Variants in TNKS2 observed in about 807,000 individuals in gnomAD.
TNKS2 encodes poly [ADP-ribose] polymerase tankyrase-2.
TNKS2 carries 72 observed loss-of-function variants against 137.6 expected under a neutral mutation model. That is an observed-to-expected ratio of 0.52 (90% confidence interval 0.43 to 0.64). The LOEUF is 0.64. Ranked by LOEUF, TNKS2 falls within the 30% of genes least tolerant of loss-of-function variation. TNKS2 has a pLI of 0.00. For synonymous variants in TNKS2, 516 were observed against 512.1 expected (o/e 1.01, Z -0.10); for missense variants, 1,049 against 1,410.2 (o/e 0.74, Z 4.10).
intron 2 of TNKS2, among the ~76,000 whole-genome samples, chr10:91,813,579 T>C (rs1224788611): frequency 6.6e-6 from 1 of 152,186 alleles, no homozygotes; most frequent in African/African-American, 2.4e-5. Context: ...GGAAAGTCTT[T>C]CCAGTGGGGA....
chr10:91,856,565 G>C (rs1218798715), intron 23 of TNKS2, among the ~76,000 whole-genome samples: 7 of 152,220 alleles, frequency 4.6e-5, no homozygotes. Flanking sequence ...GAGCAGGAGA[G>C]AGGTTGTGTG....
At chr10:91,812,555 G>A (rs1257508505) in intron 1 of TNKS2, among the ~76,000 whole-genome samples, 3 of 152,188 alleles carry the variant, frequency 2.0e-5, no homozygotes, top group African/African-American at 7.2e-5. Flanking sequence ...TGAGATAGAT[G>A]TGGGAAAGGA....
chr10:91,815,937 C>G (rs1280163853), intron 2 of TNKS2, among the ~76,000 whole-genome samples: 1 of 142,704 alleles, frequency 7.0e-6, no homozygotes, highest in East Asian at 2.1e-4. Context: ...GAGCAAAACA[C>G]AAGACTTTCT....
rs75510467 is a variant in TNKS2, at chr10:91,836,158, A to T, written c.1448-761A>T. The stretch of plus-strand genomic sequence containing the variant: ...TATTCTCTTAAAAGATGCATGTTAC[A>T]GTTTGGTTTTTTCCCATTTTGTTCT... On this transcript the variant is annotated intron_variant, in intron 12 of 26. Transcript: ENST00000371627. Among the ~76,000 whole-genome samples, 1,354 of 149,050 alleles carry T rather than the reference A, an allele frequency of 9.1e-3. 6 individuals are homozygous for T. Among genetic ancestry groups the T allele is most frequent in the Middle Eastern group, 0.025 (7 of 282 alleles).
chr10:91,845,842 C>G lies in TNKS2; in HGVS notation c.2260C>G (p.Gln754Glu). 6.2e-7 allele frequency: 1 copy of G among 1,610,686 alleles called. No homozygotes were observed. Among genetic ancestry groups the G allele is most frequent in the Non-Finnish European group, 8.5e-7 (1 of 1,177,462 alleles). ...WAFTPLHEAA[Q>E]KGRTQLCALL... ...TTTCACACCTTTGCACGAAGCAGCC[C>G]AAAAGGGACGAACACAGCTTTGTGC... Residue 754 changes from glutamine to glutamate, a missense_variant, in exon 18 of 27, where the codon CAA becomes GAA. Gln to Glu is a conservative substitution (Grantham distance 29, BLOSUM62 2). Transcript: ENST00000371627.
chr10:91,820,290 T>C (rs753015726), intron 6 of TNKS2, among the ~76,000 whole-genome samples: 1 of 152,148 alleles, frequency 6.6e-6, no homozygotes, highest in African/African-American at 2.4e-5. Flanking sequence ...TGTTGAGTCA[T>C]AGAGAGGGAT....
In TNKS2 at chr10:91,863,709, G is replaced by A. The variant is rs1842910303; in HGVS notation, c.*710G>A. On this transcript the variant is annotated 3_prime_UTR_variant, in exon 27 of 27. Transcript: ENST00000371627. ...ATTTGTGATACCTTTGTATGTATGA[G>A]ACACATTCCAAAGAGCTCTAACTAT... The A allele has an allele frequency of 6.6e-6, 1 of 152,160 alleles. No homozygotes were observed. 9.4% of individuals were successfully genotyped at this position (152,160 alleles called of 1,614,324 possible). A position where few individuals can be genotyped will look rare whatever the true frequency, so the allele number is the denominator to read the frequency against.
chr10:91,811,203 C>T lies in TNKS2; in HGVS notation c.200-1780C>T, dbSNP rs557369743. Among the ~76,000 whole-genome samples, 79 of 152,148 alleles carry T rather than the reference C, an allele frequency of 5.2e-4. 1 individual carries two copies. Among genetic ancestry groups the T allele is most frequent in the Admixed American group, 2.7e-3 (42 of 15,284 alleles). The stretch of plus-strand genomic sequence containing the variant: ...CCTCCCAAAGTGCTGGGATTACTGG[C>T]GTGAGCCACTGCGCCCAGCCCAAGC... On this transcript the variant is annotated intron_variant, in intron 1 of 26. Transcript: ENST00000371627.
Position 91,848,646 on chromosome 10 carries a change from C to T in TNKS2, c.2611+11C>T, listed in dbSNP as rs901643324. 6.2e-7 allele frequency: 1 copy of T among 1,612,624 alleles called. No individual in the cohort carries two copies. Among genetic ancestry groups the T allele is most frequent in the Non-Finnish European group, 8.5e-7 (1 of 1,179,206 alleles). On this transcript the variant is annotated intron_variant, in intron 19 of 26. Transcript: ENST00000371627. ...TGGAGAAAAAGGAGGGTGAGACGTT[C>T]TACAAAAATAACTTTCTAACTGGTA...
intron 15 of TNKS2, 31 bp from the exon 16 acceptor site, chr10:91,842,141 C>T (rs1447389057): frequency 6.6e-7 from 1 of 1,516,978 alleles, no homozygotes. Context: ...TAAGCCATTT[C>T]CCCCTTTTTT....
intron 1 of TNKS2, among the ~76,000 whole-genome samples, chr10:91,799,936 T>G (rs773392925): frequency 5.6e-4 from 86 of 152,370 alleles, no homozygotes; most frequent in Middle Eastern, 3.4e-3. Context: ...GGGGCTAGAT[T>G]GATGAAGAGA....
intron 1 of TNKS2, among the ~76,000 whole-genome samples, chr10:91,806,124 A>G (rs1844320156): frequency 6.6e-6 from 1 of 151,360 alleles, no homozygotes; most frequent in African/African-American, 2.4e-5. Flanking sequence ...CATATAGCTA[A>G]GGGAACTTAC....
chr10:91,850,700 C>T (rs1413640768), intron 20 of TNKS2, among the ~76,000 whole-genome samples: 1 of 152,012 alleles, frequency 6.6e-6, no homozygotes, highest in Non-Finnish European at 1.5e-5. Flanking sequence ...GCCTTGGCAA[C>T]GAGAGTGAAA....
At chr10:91,856,801 G>A (rs1842718867) in intron 23 of TNKS2, among the ~76,000 whole-genome samples, 1 of 152,120 alleles carries the variant, frequency 6.6e-6, no homozygotes, top group Non-Finnish European at 1.5e-5. Flanking sequence ...AAAACCATCA[G>A]CTTCCAGGTG....
At chr10:91,845,050 T>G in intron 17 of TNKS2, 22 bp downstream of exon 17, 1 of 1,526,514 alleles carries the variant, frequency 6.6e-7, no homozygotes. Flanking sequence ...CGTGTTACCT[T>G]TAAAAATTTG....
rs768536095 is a variant in TNKS2 at position 91,849,474 on chromosome 10, G to T, written c.2612-38G>T. The T allele has an allele frequency of 4.7e-6, 7 of 1,502,448 alleles. No individual in the cohort carries two copies. In the South Asian group the frequency reaches 5.8e-5, roughly 12 times the overall value. 93.1% of individuals were successfully genotyped at this position (1,502,448 alleles called of 1,614,324 possible). ...TAGTGATGAAATACATTATTCTGAT[G>T]TGAAATTCCATTTGTTTTGGATTTT... is the stretch of plus-strand genomic sequence containing the variant. On this transcript the variant is annotated intron_variant, in intron 19 of 26. Coordinates refer to ENST00000371627, the MANE Select transcript of TNKS2 (RefSeq NM_025235.4).
chr10:91,864,867 TACTC>T lies in TNKS2; in HGVS notation c.*1871_*1874del, dbSNP rs1447164524. On this transcript the variant is annotated 3_prime_UTR_variant, in exon 27 of 27. Transcript: ENST00000371627. The stretch of plus-strand genomic sequence containing the variant: ...TATCTCTCAACTATGTAGCCCATAT[TACTC>T]ACCCTATGAGTGAATCTGGAATTGC... 1 of 152,652 alleles carries T rather than the reference TACTC, an allele frequency of 6.6e-6. No individual in the cohort carries two copies. Among genetic ancestry groups the T allele is most frequent in the African/African-American group, 2.4e-5 (1 of 41,460 alleles). 9.5% of individuals were successfully genotyped at this position (152,652 alleles called of 1,614,324 possible).
intron 7 of TNKS2, among the ~76,000 whole-genome samples, chr10:91,826,581 G>A (rs747580768): frequency 4.8e-4 from 73 of 152,124 alleles, no homozygotes; most frequent in Non-Finnish European, 8.4e-4. Context: ...GGCCAGAATC[G>A]GGGCAGGAAT....
At chr10:91,815,094 G>GACAA (rs10649398) in intron 2 of TNKS2, among the ~76,000 whole-genome samples, 105,642 of 151,562 alleles carry the variant, frequency 0.7, 37,980 homozygotes, top group East Asian at 0.91. Context: ...ACTTTTGTGA[G>GACAA]ACAGATTCAA....
Sources: allele counts gnomAD v4.1 joint callset (sites outside exome capture counted in the v4.1 genomes callset), GRCh38; gene constraint gnomAD v4.1.1; transcripts MANE v1.5; gene names NCBI Gene and HGNC (gene_info 2026-07-23, HGNC 2026-07-21).